The following ZC3H7B variants were observed in gnomAD, a reference collection of about 807,000 sequenced individuals.
ZC3H7B encodes zinc finger CCCH-type containing 7B, also known as zinc finger CCCH domain-containing protein 7B.
A neutral mutation model predicts 116.0 loss-of-function variants in ZC3H7B; 35 were observed. The observed-to-expected ratio is 0.30, with a 90% CI of 0.23 to 0.40. The LOEUF (loss-of-function observed/expected upper bound fraction) is 0.40. ZC3H7B is among the 10% of genes least tolerant of loss of function. ZC3H7B has a pLI of 1.00. For missense variants in ZC3H7B, 1,011 were observed against 1,321.5 expected (o/e 0.77, Z 3.64); for synonymous variants, 502 against 545.6 (o/e 0.92, Z 1.11).
intron 6 of ZC3H7B, 113 bp from the exon 7 acceptor site, chr22:41,332,058 C>T (rs541234631): frequency 2.7e-5 from 29 of 1,088,672 alleles, no homozygotes; most frequent in East Asian, 9.5e-5. Flanking sequence ...CTCTCGGGGG[C>T]GCTGCAGACC....
chr22:41,305,349 A>G (rs369629559), intron 1 of ZC3H7B, among the ~76,000 whole-genome samples: 10 of 151,786 alleles, frequency 6.6e-5, no homozygotes, highest in African/African-American at 2.4e-4. Flanking sequence ...TCTCAAAAAA[A>G]AAAAAAAAAA....
intron 1 of ZC3H7B, among the ~76,000 whole-genome samples, chr22:41,309,924 G>A (rs2036095428): frequency 6.6e-6 from 1 of 152,108 alleles, no homozygotes; most frequent in African/African-American, 2.4e-5. Flanking sequence ...CAACATTGAT[G>A]GCTGAGCACG....
intron 1 of ZC3H7B, among the ~76,000 whole-genome samples, chr22:41,308,700 T>G (rs1042195047): frequency 2.0e-5 from 3 of 152,178 alleles, no homozygotes; most frequent in Non-Finnish European, 4.4e-5. Context: ...CTCCTGCAGT[T>G]TCCTGACACA....
At position 41,349,544 on chromosome 22, in the gene ZC3H7B, C is replaced by A. The variant is rs4239894; in HGVS notation, c.1948+243C>A. 6.6e-6 allele frequency among the ~76,000 whole-genome samples: 1 copy of A among 151,962 alleles called. No individual in the cohort carries two copies. Among genetic ancestry groups the A allele is most frequent in the Non-Finnish European group, 1.5e-5 (1 of 67,972 alleles). ...GCTCGGAGATCTGGGTTTTTCCCTT[C>A]GTAGGCACCGTCCAGGGAGCACGGA... On this transcript the variant is annotated intron_variant, in intron 16 of 22. Transcript: ENST00000352645. This position sits in a 1 kb window ranked among gnomAD's most constrained non-coding sequence, Gnocchi z 4.9.
chr22:41,309,008 CTTTTTT>C (rs57147100), intron 1 of ZC3H7B, among the ~76,000 whole-genome samples: 2 of 103,302 alleles, frequency 1.9e-5, no homozygotes, highest in Non-Finnish European at 3.9e-5. Flanking sequence ...TCCCAGTCTG[CTTTTTT>C]TTTTTTTTTT....
chr22:41,340,181 C>A, intron 10 of ZC3H7B, 44 bp downstream of exon 10: 4 of 1,545,072 alleles, frequency 2.6e-6, no homozygotes, highest in Non-Finnish European at 2.6e-6. Context: ...GGACAGGTTG[C>A]ACAGTGCTGT....
intron 1 of ZC3H7B, among the ~76,000 whole-genome samples, chr22:41,305,045 C>A (rs2036021479): frequency 6.6e-6 from 1 of 152,102 alleles, no homozygotes; most frequent in South Asian, 2.1e-4. Flanking sequence ...AACCCAGTCT[C>A]CACTAAAAAC....
chr22:41,315,797 A>G (rs1288546667), intron 1 of ZC3H7B, among the ~76,000 whole-genome samples: 2 of 152,096 alleles, frequency 1.3e-5, no homozygotes, highest in African/African-American at 4.8e-5. Flanking sequence ...CCCTACCCTT[A>G]TGCCCTCATT....
chr22:41,303,202 G>C (rs2024567), intron 1 of ZC3H7B, among the ~76,000 whole-genome samples: 43,488 of 152,132 alleles, frequency 0.29, 7,201 homozygotes, highest in Admixed American at 0.49. Context: ...CAGTTGGATG[G>C]AGCATGTTTG....
intron 7 of ZC3H7B, chr22:41,334,313 A>T (rs2036416031): frequency 6.6e-6 from 1 of 152,260 alleles, no homozygotes; most frequent in Non-Finnish European, 1.5e-5. Flanking sequence ...ATGCTCAAAA[A>T]ATATTTGTTG....
chr22:41,342,175 G>A (rs1003713463), intron 11 of ZC3H7B, among the ~76,000 whole-genome samples: 1 of 152,138 alleles, frequency 6.6e-6, no homozygotes, highest in South Asian at 2.1e-4. Flanking sequence ...CTGATGACTT[G>A]GGGGATTGGG....
In ZC3H7B at chr22:41,352,567, C is replaced by T. The variant is rs186825356; in HGVS notation, c.2034+921C>T. On this transcript the variant is annotated intron_variant, in intron 17 of 22. Coordinates refer to ENST00000352645, the MANE Select transcript of ZC3H7B (RefSeq NM_017590.6). ...CACGAGGTCAGGAGTTCGAGACCAG[C>T]GTGTCCAACATAGTGAAACCCCATC... Among the ~76,000 whole-genome samples, 24 of 152,194 alleles carry T rather than the reference C, an allele frequency of 1.6e-4. 1 individual carries two copies. In the East Asian group the frequency reaches 4.4e-3, roughly 28 times the overall value.
At chr22:41,309,089 G>T (rs1465291856) in intron 1 of ZC3H7B, among the ~76,000 whole-genome samples, 29 of 139,316 alleles carry the variant, frequency 2.1e-4, no homozygotes, top group Admixed American at 3.3e-4. Context: ...TCGACTCACT[G>T]CAAGCTCCGC....
chr22:41,325,912 C>G lies in ZC3H7B; in HGVS notation c.279C>G (p.Phe93Leu). 1 of 1,604,930 alleles carries G rather than the reference C, an allele frequency of 6.2e-7. No homozygotes were observed. The highest frequency in any genetic ancestry group is 8.5e-7 in the Non-Finnish European group (1 of 1,176,722). ...ATGTCAATAGGGCCGCCTGCTACTT[C>G]ACCATGGTGAGCCTGGCACCCTCTT... The part of the protein sequence containing the change: ...KLHVNRAACY[F>L]TMGLYEKALE... Residue 93 changes from phenylalanine (F) to leucine (L), a missense_variant, in exon 4 of 23, where the codon TTC becomes TTG. Coordinates refer to ENST00000352645, the MANE Select transcript of ZC3H7B (RefSeq NM_017590.6).
rs902086744 is a variant in ZC3H7B at position 41,359,830 on chromosome 22, G to A, written c.*2401G>A. On this transcript the variant is annotated 3_prime_UTR_variant, in exon 23 of 23. Coordinates refer to ENST00000352645, the MANE Select transcript of ZC3H7B (RefSeq NM_017590.6). ...TGAGCCTTCTAGGGCCCCAGGCTGG[G>A]AGGCTCAGAGGACTGAATCTGGGAC... 1 of 149,320 alleles carries A rather than the reference G, an allele frequency of 6.7e-6. No individual in the cohort carries two copies. The highest frequency in any genetic ancestry group is 1.5e-5 in the Non-Finnish European group (1 of 67,330). 9.2% of individuals were successfully genotyped at this position (149,320 alleles called of 1,614,324 possible).
At position 41,339,009 on chromosome 22, in the gene ZC3H7B, G is replaced by A. The variant is rs774447472; in HGVS notation, c.634G>A (p.Val212Met). The A allele has an allele frequency of 2.1e-5, 33 of 1,585,642 alleles. No homozygotes were observed. The highest frequency in any genetic ancestry group is 1.7e-4 in the Middle Eastern group (1 of 5,952). ...GCCCACCCCATCCGCAGACTGCTAC[G>A]TGGACCCTCGAGGCTCCCCAGCCCT... ...SIDDIETDCY[V>M]DPRGSPALLP... Residue 212 changes from valine (V) to methionine (M), a missense_variant, in exon 9 of 23, where the codon GTG (valine) becomes ATG (methionine). This residue lies in a region of ZC3H7B where 322 missense variants were observed against 443.9 expected (regional missense o/e 0.73). Transcript: ENST00000352645.
At chr22:41,340,745 G>A (rs1265244319) in intron 10 of ZC3H7B, among the ~76,000 whole-genome samples, 1 of 152,234 alleles carries the variant, frequency 6.6e-6, no homozygotes, top group East Asian at 1.9e-4. Flanking sequence ...AGGGGCACTA[G>A]CCTGGCATGG....
At position 41,356,774 on chromosome 22, in the gene ZC3H7B, C is replaced by T. The variant is rs759306820; in HGVS notation, c.2647C>T (p.Arg883Cys). The T allele has an allele frequency of 1.9e-6, 3 of 1,613,546 alleles. No individual in the cohort carries two copies. The highest frequency in any genetic ancestry group is 1.7e-5 in the Admixed American group (1 of 60,018). ...CAGTGACGCCAGCGGCTGGGCCTTC[C>T]GCTTCCCCATGGGCGAGTTCCGGCT... ...SDSDASGWAF[R>C]FPMGEFRLCD... The change falls in exon 22 of 23, where the codon CGC becomes TGC. Residue 883 changes from arginine to cysteine, a missense_variant. Physicochemically the swap from Arg to Cys is radical, Grantham distance 180. This residue lies in a region of ZC3H7B where 406 missense variants were observed against 590.2 expected (regional missense o/e 0.69). Coordinates refer to ENST00000352645, the MANE Select transcript of ZC3H7B (RefSeq NM_017590.6).
At chr22:41,311,553 C>T (rs989836448) in intron 1 of ZC3H7B, among the ~76,000 whole-genome samples, 9 of 151,770 alleles carry the variant, frequency 5.9e-5, no homozygotes, top group Admixed American at 5.3e-4. Flanking sequence ...AGGTAGAGGG[C>T]CCAAGATTAA....
Sources: gnomAD v4.1 joint callset for allele counts (sites outside exome capture counted in the v4.1 genomes callset) on GRCh38, gnomAD v4.1.1 for gene constraint, gnomAD v4.1.1 regional missense constraint, Gnocchi (gnomAD v3.1) non-coding constraint, MANE v1.5 for transcripts, NCBI Gene and HGNC (gene_info 2026-07-23, HGNC 2026-07-21) for gene names.